C12orf42: variants seen among roughly 807,000 people sequenced by gnomAD.
C12orf42 encodes the protein uncharacterized protein C12orf42.
C12orf42 carries 25 observed loss-of-function variants against 21.6 expected under a neutral mutation model. The ratio of observed to expected loss-of-function variants is 1.16; its 90% CI spans 0.84 to 1.62. The LOEUF is 1.62. Among genes scored for constraint, C12orf42 ranks in the 40% most tolerant of loss-of-function variants. The pLI, the probability that C12orf42 is intolerant of heterozygous loss-of-function variation, is 0.00. For missense variants in C12orf42, 483 were observed against 459.3 expected, an observed-to-expected ratio of 1.05 and a Z score of -0.47; for synonymous variants, 174 against 175.0, an observed-to-expected ratio of 0.99 and a Z score of 0.05.
chr12:103,464,164 T>C lies in C12orf42; in HGVS notation c.78+14185A>G, dbSNP rs548792794. ...GGAATCACCACACTGTCTTCCACAATGGTTGAACTGATTTACCTTCCCACC... is the reference window on the plus strand; with the variant it reads ...GGAATCACCACACTGTCTTCCACAACGGTTGAACTGATTTACCTTCCCACC... On this transcript the variant is annotated intron_variant, in intron 2 of 5. Transcript: ENST00000548883. Among the ~76,000 whole-genome samples the C allele has an allele frequency of 2.7e-4, 41 of 152,342 alleles. No homozygotes were observed. The South Asian group carries it at 5.2e-3, about 19-fold the overall frequency.
At position 103,402,574 on chromosome 12, in the gene C12orf42, G is replaced by T. The variant is rs186546093; in HGVS notation, c.79-899C>A. On this transcript the variant is annotated intron_variant, in intron 2 of 5. Coordinates refer to ENST00000548883, the MANE Select transcript of C12orf42 (RefSeq NM_198521.5). ...TATGTCAGAAAAACAATGGTGAGTT[G>T]CCCACTACTTTTCCCAGAGGTGATT... Among the ~76,000 whole-genome samples, 58 of 152,292 alleles carry T rather than the reference G, an allele frequency of 3.8e-4. No individual in the cohort carries two copies. The East Asian group carries it at 5.8e-3, about 15-fold the overall frequency.
the C12orf42 span, among the ~76,000 whole-genome samples, chr12:103,103,109 G>T: frequency 6.6e-6 from 1 of 152,140 alleles, no homozygotes; most frequent in African/African-American, 2.4e-5. Flanking sequence ...GCACAAGAGT[G>T]ACTCTCTCAC....
At chr12:103,070,515 T>TACACACACACACACAC in the C12orf42 span, among the ~76,000 whole-genome samples, 9 of 120,052 alleles carry the variant, frequency 7.5e-5, no homozygotes, top group African/African-American at 2.4e-4. Flanking sequence ...TACATACACA[T>TACACACACACACACAC]ACACACACAC....
chr12:103,142,229 T>C, the C12orf42 span, among the ~76,000 whole-genome samples: 1 of 152,192 alleles, frequency 6.6e-6, no homozygotes, highest in Non-Finnish European at 1.5e-5. Context: ...AATGAGATTG[T>C]TAAAGTCATA....
At chr12:103,419,218 C>G (rs1343847) in intron 2 of C12orf42, among the ~76,000 whole-genome samples, 135,044 of 152,182 alleles carry the variant, frequency 0.89, 60,015 homozygotes, top group Admixed American at 0.93. Flanking sequence ...AGGAGAGGCA[C>G]CAGGGTTGAG....
At chr12:103,284,289 T>C (rs1371566778) in intron 4 of C12orf42, among the ~76,000 whole-genome samples, 2 of 152,208 alleles carry the variant, frequency 1.3e-5, no homozygotes, top group Admixed American at 6.5e-5. Flanking sequence ...GTAGCCTCCA[T>C]TGATGATAAT....
At chr12:103,327,893 T>C (rs1053787982) in intron 4 of C12orf42, among the ~76,000 whole-genome samples, 1 of 152,332 alleles carries the variant, frequency 6.6e-6, no homozygotes, top group South Asian at 2.1e-4. Context: ...CAGGACTCCA[T>C]TCATTGCAAG....
chr12:103,211,535 C>G, the C12orf42 span, among the ~76,000 whole-genome samples: 1 of 152,106 alleles, frequency 6.6e-6, no homozygotes, highest in Non-Finnish European at 1.5e-5. Flanking sequence ...ACGAAGCTGG[C>G]CAGGTGCTAA....
At chr12:103,051,625 A>G in the C12orf42 span, among the ~76,000 whole-genome samples, 1 of 152,234 alleles carries the variant, frequency 6.6e-6, no homozygotes, top group Non-Finnish European at 1.5e-5. Flanking sequence ...ATCCGCATTT[A>G]TGTGAATAGG....
rs965510635 is a variant in C12orf42 at position 103,306,332 on chromosome 12, C to G, written c.273G>C (p.Arg91Ser). Residue 91 changes from arginine to serine, a missense_variant, in exon 5 of 6, where the codon AGG becomes AGC. Transcript: ENST00000548883. ...TTTTACACGCCATTGAATTTTGAGTCCTTTCTGGAAATACTGTGAAAGGTA... is the reference window on the plus strand; with the variant it reads ...TTTTACACGCCATTGAATTTTGAGTGCTTTCTGGAAATACTGTGAAAGGTA... ...HFLNFPVFPERTQNSMACKRL... is the reference protein window; with the variant it reads ...HFLNFPVFPESTQNSMACKRL... 1.2e-6 allele frequency: 2 copies of G among 1,604,636 alleles called. No individual in the cohort carries two copies. Among genetic ancestry groups the G allele is most frequent in the Non-Finnish European group, 1.7e-6 (2 of 1,175,296 alleles).
At chr12:103,102,055 A>C in the C12orf42 span, among the ~76,000 whole-genome samples, 1 of 152,234 alleles carries the variant, frequency 6.6e-6, no homozygotes, top group East Asian at 1.9e-4. Flanking sequence ...GGCCAATACA[A>C]GACTCAAGTC....
the C12orf42 span, among the ~76,000 whole-genome samples, chr12:103,530,287 G>T: frequency 1.3e-5 from 2 of 152,240 alleles, no homozygotes; most frequent in Non-Finnish European, 2.9e-5. Flanking sequence ...GAGCCCGGCT[G>T]ACTTATGAAG....
At chr12:103,372,775 T>A (rs1469848817) in intron 3 of C12orf42, among the ~76,000 whole-genome samples, 1 of 152,122 alleles carries the variant, frequency 6.6e-6, no homozygotes, top group Non-Finnish European at 1.5e-5. Context: ...AGGCAGTGAG[T>A]CTCGTCTTCT....
intron 10 of C12orf42, among the ~76,000 whole-genome samples, chr12:103,252,153 A>T (rs574940532): frequency 1.3e-5 from 2 of 152,238 alleles, no homozygotes; most frequent in African/African-American, 4.8e-5. Context: ...ATAGTATTCC[A>T]TGGTGTATAT....
chr12:103,370,034 C>CA, intron 3 of C12orf42, among the ~76,000 whole-genome samples: 1 of 151,950 alleles, frequency 6.6e-6, no homozygotes, highest in East Asian at 1.9e-4. Context: ...AATTTACAAG[C>CA]AAAAAACAAA....
At chr12:103,519,892 T>C in the C12orf42 span, among the ~76,000 whole-genome samples, 2 of 151,806 alleles carry the variant, frequency 1.3e-5, no homozygotes, top group East Asian at 1.9e-4. Flanking sequence ...GAAGTGGTGG[T>C]TGTGAGGGCT....
intron 5 of C12orf42, among the ~76,000 whole-genome samples, chr12:103,272,161 C>G (rs1207098733): frequency 6.6e-6 from 1 of 152,126 alleles, no homozygotes; most frequent in Non-Finnish European, 1.5e-5. Flanking sequence ...TTACCTTAGA[C>G]AGTGAGGTGA....
At chr12:103,341,848 G>T (rs1046679216) in intron 4 of C12orf42, among the ~76,000 whole-genome samples, 1 of 152,130 alleles carries the variant, frequency 6.6e-6, no homozygotes, top group Non-Finnish European at 1.5e-5. Flanking sequence ...TAATGTAAAA[G>T]TATATTTCAA....
At chr12:103,434,441 C>T (rs1050357962) in intron 2 of C12orf42, among the ~76,000 whole-genome samples, 5 of 152,174 alleles carry the variant, frequency 3.3e-5, no homozygotes, top group Admixed American at 1.3e-4. Context: ...CAGCTCCCAG[C>T]GTGAGGGACG....
Sources: gnomAD v4.1 joint callset for allele counts (sites outside exome capture counted in the v4.1 genomes callset) on GRCh38, gnomAD v4.1.1 for gene constraint, MANE v1.5 for transcripts, NCBI Gene and HGNC (gene_info 2026-07-23, HGNC 2026-07-21) for gene names.